Variants in ZNF790 observed in about 807,000 individuals in gnomAD.
ZNF790 encodes the protein zinc finger protein 790.
In ZNF790, 8 loss-of-function variants were observed where a neutral mutation model predicts 12.1. The observed-to-expected ratio is 0.66, with a 90% CI of 0.39 to 1.19. ZNF790 has a LOEUF of 1.19. Ranked by LOEUF, ZNF790 falls within the 50% of genes most tolerant of loss-of-function variation. The pLI is 0.01. For synonymous variants in ZNF790, 252 were observed against 244.3 expected (o/e 1.03, Z -0.29); for missense variants, 707 against 752.2 (o/e 0.94, Z 0.70).
chr19:36,827,141 C>CACACATATAT (rs1313807327), intron 1 of ZNF790, among the ~76,000 whole-genome samples: 2 of 84,442 alleles, frequency 2.4e-5, no homozygotes, highest in African/African-American at 1.1e-4. Context: ...CACACACACA[C>CACACATATAT]ATATATATAT....
intron 4 of ZNF790, 40 bp from the exon 5 acceptor site, chr19:36,820,154 T>C: frequency 1.9e-6 from 3 of 1,549,868 alleles, no homozygotes; most frequent in Non-Finnish European, 2.6e-6. Flanking sequence ...CGGTTGTATG[T>C]ACAAAAAGCA....
intron 2 of ZNF790, 132 bp from the exon 3 acceptor site, chr19:36,823,922 G>C: frequency 1.5e-6 from 1 of 658,942 alleles, no homozygotes; most frequent in Non-Finnish European, 2.3e-6. Context: ...AAAAACTGGA[G>C]TTGGCTGCCT....
At chr19:36,820,513 A>C (rs1453379079) in intron 4 of ZNF790, among the ~76,000 whole-genome samples, 1 of 152,230 alleles carries the variant, frequency 6.6e-6, no homozygotes, top group Non-Finnish European at 1.5e-5. Context: ...TGAGGGAAGT[A>C]ATCTGATCCA....
intron 4 of ZNF790, among the ~76,000 whole-genome samples, chr19:36,821,361 A>G (rs1301482588): frequency 6.6e-6 from 1 of 152,046 alleles, no homozygotes; most frequent in Non-Finnish European, 1.5e-5. Context: ...GTGATTGGAA[A>G]ATTACTGAGC....
At chr19:36,827,137 C>CATAT (rs1568338007) in intron 1 of ZNF790, among the ~76,000 whole-genome samples, 9 of 72,586 alleles carry the variant, frequency 1.2e-4, no homozygotes, top group African/African-American at 2.5e-4. Flanking sequence ...CACACACACA[C>CATAT]ACACATATAT....
intron 1 of ZNF790, among the ~76,000 whole-genome samples, chr19:36,847,871 C>T (rs1001279157): frequency 3.3e-5 from 5 of 152,150 alleles, no homozygotes; most frequent in Non-Finnish European, 5.9e-5. Flanking sequence ...CCTTCAGTAC[C>T]TTCTGACATG....
intron 1 of ZNF790, among the ~76,000 whole-genome samples, chr19:36,833,712 A>C (rs1033261703): frequency 7.2e-5 from 11 of 152,214 alleles, no homozygotes; most frequent in African/African-American, 1.2e-4. Flanking sequence ...TCTTGAATAC[A>C]TGGTGCCAGG....
At chr19:36,845,369 T>C (rs572232020) in intron 1 of ZNF790, among the ~76,000 whole-genome samples, 1 of 150,172 alleles carries the variant, frequency 6.7e-6, no homozygotes, top group East Asian at 2.0e-4. Flanking sequence ...TGAGCCATGA[T>C]CATGCCACTG....
intron 3 of ZNF790, 24 bp from the exon 4 acceptor site, chr19:36,823,404 A>C (rs757733892): frequency 4.0e-5 from 64 of 1,605,364 alleles, no homozygotes; most frequent in Middle Eastern, 1.6e-4. Context: ...GAGAAACAGC[A>C]AAGAACCACA....
chr19:36,826,597 T>C (rs544274691), intron 1 of ZNF790, among the ~76,000 whole-genome samples: 211 of 124,834 alleles, frequency 1.7e-3, no homozygotes, highest in African/African-American at 6.4e-3. Flanking sequence ...AAAAAAATTA[T>C]ATATAGATAA....
chr19:36,819,167 G>T lies in ZNF790; in HGVS notation c.1177C>A (p.Pro393Thr). The change falls in exon 5 of 5, where the codon CCT (proline) becomes ACT (threonine). Residue 393 changes from proline (P) to threonine (T), a missense_variant. Pro to Thr is a conservative substitution (Grantham distance 38). Coordinates refer to ENST00000356725, the MANE Select transcript of ZNF790 (RefSeq NM_206894.4). The stretch of plus-strand genomic sequence containing the variant: ...TTCCCACATTTCTCACATTTATAAG[G>T]TTTCCTACCAACATGAACATTCTGA... The part of the protein sequence containing the change: ...QHQNVHVGRK[P>T]YKCEKCGKAY... 1.2e-6 allele frequency: 2 copies of T among 1,613,740 alleles called. No individual in the cohort carries two copies. The highest frequency in any genetic ancestry group is 1.1e-5 in the South Asian group (1 of 91,054).
chr19:36,839,200 A>AT (rs575167314), upstream of ZNF790, among the ~76,000 whole-genome samples: 9 of 152,360 alleles, frequency 5.9e-5, no homozygotes, highest in East Asian at 1.7e-3. Flanking sequence ...TTCAATCTAC[A>AT]TCTAAACTTT....
Position 36,818,748 on chromosome 19 carries a change from T to G in ZNF790, c.1596A>C (p.Glu532Asp). 6.2e-7 allele frequency: 1 copy of G among 1,612,032 alleles called. No homozygotes were observed. Reference protein sequence around the residue: ...TRHQRMHTGEEPYVCKECGKS... With the variant: ...TRHQRMHTGEDPYVCKECGKS... Reference sequence around the variant, plus strand: ...TCCCACATTCTTTACATACGTAAGGTTCCTCACCAGTATGCATTCTCTGAT... The same window carrying G: ...TCCCACATTCTTTACATACGTAAGGGTCCTCACCAGTATGCATTCTCTGAT... Residue 532 changes from glutamate to aspartate, a missense_variant, in exon 5 of 5, where the codon GAA becomes GAC. Coordinates refer to ENST00000356725, the MANE Select transcript of ZNF790 (RefSeq NM_206894.4).
At chr19:36,831,159 AC>A (rs1261320192) in intron 1 of ZNF790, among the ~76,000 whole-genome samples, 8 of 151,882 alleles carry the variant, frequency 5.3e-5, no homozygotes, top group East Asian at 1.9e-4. Flanking sequence ...AACAACAACA[AC>A]AAAAAACACA....
At chr19:36,823,991 TC>T (rs1368414217) in intron 2 of ZNF790, among the ~76,000 whole-genome samples, 7 of 131,726 alleles carry the variant, frequency 5.3e-5, no homozygotes, top group African/African-American at 2.2e-4. Flanking sequence ...GTCTACATGC[TC>T]TTTTTTTTTT....
upstream of ZNF790, chr19:36,850,724 C>G (rs1188353455): frequency 6.6e-6 from 1 of 152,242 alleles, no homozygotes; most frequent in African/African-American, 2.4e-5. Flanking sequence ...TTTGTTGGTG[C>G]CAGAGTCCGC....
chr19:36,837,975 GGCT>G (rs2072079606), intron 1 of ZNF790: 1 of 152,212 alleles, frequency 6.6e-6, no homozygotes, highest in African/African-American at 2.4e-5. Flanking sequence ...GCCCCATAGC[GGCT>G]GCTATCACCA....
rs1361529778 is a variant in ZNF790 at position 36,820,045 on chromosome 19, TG to T, written c.298del (p.Gln100AsnfsTer4). 6.2e-7 allele frequency: 1 copy of T among 1,612,636 alleles called. No homozygotes were observed. The highest frequency in any genetic ancestry group is 2.2e-5 in the East Asian group (1 of 44,878). Reference protein sequence around the residue: ...KNGIFEREIAQLEIMRICKNH... With the variant: ...KNGIFEREIAXLEIMRICKNH... ...TTTACAAATTCTCATTATTTCCAATTGGGCTATTTCTCTCTCAAAAATGCCA... is the reference window on the plus strand; with the variant it reads ...TTTACAAATTCTCATTATTTCCAATTGGCTATTTCTCTCTCAAAAATGCCA... On this transcript the variant is annotated frameshift_variant, in exon 5 of 5. Coordinates refer to ENST00000356725, the MANE Select transcript of ZNF790 (RefSeq NM_206894.4). LOFTEE classifies it low-confidence loss of function (END_TRUNC).
At chr19:36,831,750 G>A (rs2071949291) in intron 1 of ZNF790, among the ~76,000 whole-genome samples, 1 of 152,130 alleles carries the variant, frequency 6.6e-6, no homozygotes, top group Admixed American at 6.6e-5. Context: ...TATCTAAAAC[G>A]ATGGTTGTAG....
Sources: allele counts gnomAD v4.1 joint callset (sites outside exome capture counted in the v4.1 genomes callset), GRCh38; gene constraint gnomAD v4.1.1; transcripts MANE v1.5; gene names NCBI Gene and HGNC (gene_info 2026-07-23, HGNC 2026-07-21).